MACROD2: variants seen among roughly 807,000 people sequenced by gnomAD.
MACROD2 encodes mono-ADP ribosylhydrolase 2.
A neutral mutation model predicts 70.4 loss-of-function variants in MACROD2; 36 were observed. The ratio of observed to expected loss-of-function variants is 0.51; its 90% CI spans 0.39 to 0.68. The LOEUF is 0.68. MACROD2 is among the 30% of genes least tolerant of loss of function. MACROD2 has a pLI of 0.00. For synonymous variants in MACROD2, 172 were observed against 178.8 expected, an observed-to-expected ratio of 0.96 and a Z score of 0.30; for missense variants, 496 against 538.4, an observed-to-expected ratio of 0.92 and a Z score of 0.78.
intron 6 of MACROD2, among the ~76,000 whole-genome samples, chr20:15,305,437 G>C (rs1006150998): frequency 6.6e-6 from 1 of 152,146 alleles, no homozygotes; most frequent in African/African-American, 2.4e-5. Context: ...CTAAGCAACA[G>C]TTAAGGCACA....
At chr20:14,068,145 A>G (rs6110155) in intron 2 of MACROD2, among the ~76,000 whole-genome samples, 4,869 of 152,192 alleles carry the variant, frequency 0.032, 196 homozygotes, top group African/African-American at 0.088. Flanking sequence ...CGCCCTTCCA[A>G]TTCAACAGCT....
chr20:14,053,659 C>T (rs186184775), intron 2 of MACROD2: 36 of 152,102 alleles, frequency 2.4e-4, no homozygotes, highest in Middle Eastern at 3.4e-3. Flanking sequence ...GGGTTTTTGT[C>T]AATAAATACT....
chr20:15,379,509 C>G (rs552570059), intron 6 of MACROD2, among the ~76,000 whole-genome samples: 1 of 151,964 alleles, frequency 6.6e-6, no homozygotes, highest in South Asian at 2.1e-4. Flanking sequence ...TGGTCCACAG[C>G]TGTCCACATT....
At chr20:14,582,327 C>T (rs6042799) in intron 4 of MACROD2, among the ~76,000 whole-genome samples, 6,719 of 152,036 alleles carry the variant, frequency 0.044, 379 homozygotes, top group African/African-American at 0.13. Context: ...TCACAAATCT[C>T]GAATGCTGGA....
intron 8 of MACROD2, among the ~76,000 whole-genome samples, chr20:15,796,718 C>A (rs1189885193): frequency 1.3e-5 from 2 of 152,160 alleles, no homozygotes; most frequent in Non-Finnish European, 2.9e-5. Flanking sequence ...CTGAAAATTT[C>A]TTTGGTGTCA....
intron 3 of MACROD2, among the ~76,000 whole-genome samples, chr20:14,270,637 C>T (rs2082184643): frequency 6.6e-6 from 1 of 151,446 alleles, no homozygotes; most frequent in Non-Finnish European, 1.5e-5. Context: ...CTCTCAACCT[C>T]TTTTTTCAAG....
At chr20:14,228,826 C>T (rs2081770854) in intron 3 of MACROD2, among the ~76,000 whole-genome samples, 2 of 128,050 alleles carry the variant, frequency 1.6e-5, no homozygotes, top group African/African-American at 3.0e-5. Flanking sequence ...GGCAACATGG[C>T]GAAACCCCAT....
chr20:14,438,793 T>C (rs2084087862), intron 3 of MACROD2, among the ~76,000 whole-genome samples: 4 of 152,238 alleles, frequency 2.6e-5, no homozygotes, highest in Admixed American at 2.6e-4. Context: ...ATGAGTTCTT[T>C]ATAAGTCATG....
chr20:15,480,125 A>T (rs985942759), intron 7 of MACROD2, among the ~76,000 whole-genome samples: 11 of 152,216 alleles, frequency 7.2e-5, no homozygotes, highest in African/African-American at 2.7e-4. Flanking sequence ...GCCTCAAGGA[A>T]ATCCCTGTCT....
chr20:15,483,224 A>G (rs1176840936), intron 7 of MACROD2, among the ~76,000 whole-genome samples: 2 of 152,012 alleles, frequency 1.3e-5, no homozygotes, highest in Non-Finnish European at 2.9e-5. Flanking sequence ...TTAACTTTGA[A>G]TTATTTTTTG....
At chr20:14,488,361 A>T (rs1375009062) in intron 3 of MACROD2, among the ~76,000 whole-genome samples, 1 of 152,178 alleles carries the variant, frequency 6.6e-6, no homozygotes, top group African/African-American at 2.4e-5. Context: ...ATTACAATTG[A>T]TCTACAGTAT....
intron 6 of MACROD2, among the ~76,000 whole-genome samples, chr20:15,313,798 C>T (rs1264058633): frequency 1.3e-5 from 2 of 152,138 alleles, no homozygotes; most frequent in Non-Finnish European, 2.9e-5. Context: ...AGCTCAAATT[C>T]CTGAATGTGG....
At chr20:14,796,844 G>C (rs1190571781) in intron 5 of MACROD2, among the ~76,000 whole-genome samples, 2 of 151,952 alleles carry the variant, frequency 1.3e-5, no homozygotes, top group Non-Finnish European at 2.9e-5. Context: ...GGGCATTCTA[G>C]TGTTGCTTTC....
At chr20:14,470,159 TG>T (rs1296732438) in intron 3 of MACROD2, among the ~76,000 whole-genome samples, 3 of 152,126 alleles carry the variant, frequency 2.0e-5, no homozygotes, top group African/African-American at 7.2e-5. Context: ...CCTTTCTGTT[TG>T]TTAGTTTTCC....
chr20:15,253,251 T>C (rs1441580608), intron 6 of MACROD2, among the ~76,000 whole-genome samples: 1 of 152,182 alleles, frequency 6.6e-6, no homozygotes, highest in Non-Finnish European at 1.5e-5. Context: ...GTAATGCCTA[T>C]GGCTGCTTTT....
chr20:14,602,622 A>G (rs1265140432), intron 4 of MACROD2, among the ~76,000 whole-genome samples: 1 of 152,200 alleles, frequency 6.6e-6, no homozygotes, highest in Non-Finnish European at 1.5e-5. Context: ...GTGTTTGTAA[A>G]TGTGCTCTGT....
intron 8 of MACROD2, among the ~76,000 whole-genome samples, chr20:15,621,255 T>C (rs2049121742): frequency 6.6e-6 from 1 of 152,206 alleles, no homozygotes; most frequent in Non-Finnish European, 1.5e-5. Context: ...CTATTTCAAA[T>C]TATTTCTTCC....
intron 2 of MACROD2, among the ~76,000 whole-genome samples, chr20:14,042,908 C>T (rs1321428716): frequency 6.7e-6 from 1 of 149,684 alleles, no homozygotes; most frequent in Non-Finnish European, 1.5e-5. Flanking sequence ...GTTGCAAACC[C>T]AGGTGGTGGG....
intron 3 of MACROD2, among the ~76,000 whole-genome samples, chr20:14,392,831 G>T (rs2083541966): frequency 6.6e-6 from 1 of 152,048 alleles, no homozygotes; most frequent in Admixed American, 6.5e-5. Context: ...CTCTTAAGCT[G>T]ACCCATGCCT....
Sources: allele counts gnomAD v4.1 joint callset (sites outside exome capture counted in the v4.1 genomes callset), GRCh38; gene constraint gnomAD v4.1.1; transcripts MANE v1.5; gene names NCBI Gene and HGNC (gene_info 2026-07-23, HGNC 2026-07-21).